ATAD1: variants seen among roughly 807,000 people sequenced by gnomAD.
The protein encoded by ATAD1 is ATPase family AAA domain containing 1.
A neutral mutation model predicts 42.7 loss-of-function variants in ATAD1; 18 were observed. That is an observed-to-expected ratio of 0.42 (90% CI 0.29 to 0.63). ATAD1 has a LOEUF of 0.63. ATAD1 is among the 20% of genes least tolerant of loss of function. The pLI is 0.19. For missense variants in ATAD1, 294 were observed against 440.4 expected (o/e 0.67, Z 2.98); for synonymous variants, 132 against 143.1 (o/e 0.92, Z 0.55).
chr10:87,756,742 T>G, intron 9 of ATAD1, 47 bp downstream of exon 9: 5 of 1,481,718 alleles, frequency 3.4e-6, no homozygotes, highest in South Asian at 2.8e-5. Flanking sequence ...ACCTAAAAGC[T>G]CTAAAAGATT....
At chr10:87,830,507 T>C (rs931804579) in intron 1 of ATAD1, among the ~76,000 whole-genome samples, 2 of 152,216 alleles carry the variant, frequency 1.3e-5, no homozygotes, top group African/African-American at 4.8e-5. Context: ...TCATGTTTTT[T>C]TCCCCCCTGT....
At chr10:87,819,200 G>C (rs1857568350), upstream of ATAD1, 1 of 131,906 alleles carries the variant, frequency 7.6e-6, no homozygotes, top group Non-Finnish European at 1.5e-5. Context: ...GCCGAAGCGA[G>C]AGGATCACTT....
chr10:87,788,450 T>C (rs976809970), intron 4 of ATAD1, among the ~76,000 whole-genome samples: 6 of 152,192 alleles, frequency 3.9e-5, no homozygotes, highest in African/African-American at 1.2e-4. Flanking sequence ...TGATTAAAAA[T>C]TGTCCAGACA....
At chr10:87,838,786 G>A (rs1313035335) in intron 1 of ATAD1, among the ~76,000 whole-genome samples, 2 of 151,998 alleles carry the variant, frequency 1.3e-5, no homozygotes, top group African/African-American at 4.8e-5. Context: ...TAGCAAGAAG[G>A]CAGCTGTCTG....
At chr10:87,767,590 G>T in intron 8 of ATAD1, 83 bp downstream of exon 8, 1 of 1,287,776 alleles carries the variant, frequency 7.8e-7, no homozygotes, top group African/African-American at 1.5e-5. Context: ...ATCATTCTCA[G>T]ATTCCTTCCT....
chr10:87,776,628 G>C (rs941719527), intron 5 of ATAD1, among the ~76,000 whole-genome samples: 2 of 151,836 alleles, frequency 1.3e-5, no homozygotes, highest in East Asian at 3.9e-4. Context: ...GCCACCATGC[G>C]GAGCTAATTT....
chr10:87,778,708 G>T (rs973643115), intron 5 of ATAD1, among the ~76,000 whole-genome samples: 1 of 151,888 alleles, frequency 6.6e-6, no homozygotes, highest in Non-Finnish European at 1.5e-5. Context: ...TTGGATTTTT[G>T]GATTACAGAT....
At chr10:87,834,866 TTTC>T (rs1363076494) in intron 1 of ATAD1, among the ~76,000 whole-genome samples, 1 of 151,952 alleles carries the variant, frequency 6.6e-6, no homozygotes, top group Non-Finnish European at 1.5e-5. Flanking sequence ...ACGTGAGAAC[TTTC>T]TTCTTTTTTA....
intron 3 of ATAD1, among the ~76,000 whole-genome samples, chr10:87,792,040 A>G (rs1856147553): frequency 6.6e-6 from 1 of 152,254 alleles, no homozygotes; most frequent in Non-Finnish European, 1.5e-5. Flanking sequence ...GCAAATACAT[A>G]AAAGTTTTAC....
Position 87,779,616 on chromosome 10 carries a change from AAATC to A in ATAD1, c.584-3193_584-3190del, listed in dbSNP as rs138346640. ...TATTATGTATCAATAAAAAATTAAAAAATCAAACAATAAAAAATATTACAATTGT... is the reference window on the plus strand; with the variant it reads ...TATTATGTATCAATAAAAAATTAAAAAAACAATAAAAAATATTACAATTGT... On this transcript the variant is annotated intron_variant, in intron 5 of 9. Transcript: ENST00000680024. Among the ~76,000 whole-genome samples the A allele has an allele frequency of 9.5e-3, 1,454 of 152,346 alleles. 33 individuals carry two copies. The highest frequency in any genetic ancestry group is 0.033 in the African/African-American group (1,370 of 41,578).
chr10:87,832,588 T>A (rs1438257811), intron 1 of ATAD1, among the ~76,000 whole-genome samples: 1 of 152,038 alleles, frequency 6.6e-6, no homozygotes, highest in Non-Finnish European at 1.5e-5. Flanking sequence ...TCAAACTTAT[T>A]TTGACTTTTC....
chr10:87,774,004 T>C (rs1307343334), intron 6 of ATAD1, among the ~76,000 whole-genome samples: 1 of 152,238 alleles, frequency 6.6e-6, no homozygotes, highest in Non-Finnish European at 1.5e-5. Flanking sequence ...ATCTATGTTA[T>C]GTTTTTTCTT....
intron 1 of ATAD1, among the ~76,000 whole-genome samples, chr10:87,835,766 G>A (rs1282218036): frequency 4.0e-5 from 6 of 151,620 alleles, no homozygotes; most frequent in African/African-American, 1.5e-4. Flanking sequence ...TGGGGCATTT[G>A]TATATTTTTT....
rs181589328 is a variant in ATAD1 at position 87,796,873 on chromosome 10, C to T, written c.163-4118G>A. 1.2e-4 allele frequency among the ~76,000 whole-genome samples: 19 copies of T among 152,296 alleles called. 1 individual carries two copies. Among genetic ancestry groups the T allele is most frequent in the East Asian group, 9.6e-4 (5 of 5,184 alleles). On this transcript the variant is annotated intron_variant, in intron 2 of 9. Transcript: ENST00000680024. The stretch of plus-strand genomic sequence containing the variant: ...TGATCTCCCAAAATTTGGTGGAGAC[C>T]TAAAGTTTATTTTGCAATACAACTC...
At chr10:87,757,510 A>T (rs998372244) in intron 8 of ATAD1, among the ~76,000 whole-genome samples, 3 of 152,350 alleles carry the variant, frequency 2.0e-5, no homozygotes, top group Middle Eastern at 3.4e-3. Flanking sequence ...ACCATCTAGT[A>T]AATGATTCTT....
rs1397224922 is a variant in ATAD1, at chr10:87,770,870, T to C, written c.780+82A>G. On this transcript the variant is annotated intron_variant, in intron 7 of 9. Transcript: ENST00000680024. ...TCATAAGCACCCCTATATGACAAAA[T>C]ATTCCCTTCTTAAAATTAAAGGTGA... is the stretch of plus-strand genomic sequence containing the variant. 1.9e-5 allele frequency: 24 copies of C among 1,282,022 alleles called. 1 individual carries two copies. Among genetic ancestry groups the C allele is most frequent in the South Asian group, 6.6e-5 (5 of 75,538 alleles). 79.4% of individuals were successfully genotyped at this position (1,282,022 alleles called of 1,614,324 possible).
intron 2 of ATAD1, among the ~76,000 whole-genome samples, chr10:87,810,273 G>A (rs1430275911): frequency 6.6e-6 from 1 of 151,466 alleles, no homozygotes; most frequent in East Asian, 1.9e-4. Flanking sequence ...CCAATATTAT[G>A]AAACTTGAGA....
intron 5 of ATAD1, among the ~76,000 whole-genome samples, chr10:87,778,343 G>A (rs1401058676): frequency 6.6e-6 from 1 of 151,690 alleles, no homozygotes; most frequent in African/African-American, 2.4e-5. Context: ...ATAAGGACTC[G>A]GAATGATCAA....
intron 1 of ATAD1, among the ~76,000 whole-genome samples, chr10:87,834,446 G>A (rs1472059029): frequency 1.3e-5 from 2 of 152,076 alleles, no homozygotes; most frequent in Non-Finnish European, 2.9e-5. Flanking sequence ...TTTAAACTAT[G>A]AATTTAATTT....
Sources: allele counts gnomAD v4.1 joint callset (sites outside exome capture counted in the v4.1 genomes callset), GRCh38; gene constraint gnomAD v4.1.1; transcripts MANE v1.5; gene names NCBI Gene and HGNC (gene_info 2026-07-23, HGNC 2026-07-21).